The following TRPM1 variants were observed in gnomAD, a reference collection of about 807,000 sequenced individuals.
TRPM1 encodes the protein transient receptor potential cation channel subfamily M member 1.
Under a neutral mutation model 149.4 loss-of-function variants are expected in TRPM1, and 113 were observed. The observed-to-expected ratio is 0.76, with a 90% CI of 0.65 to 0.88. The LOEUF is 0.88. Ranked by LOEUF, TRPM1 falls within the 40% of genes least tolerant of loss-of-function variation. TRPM1 has a pLI of 0.00. For missense variants in TRPM1, 1,976 were observed against 2,038.7 expected (o/e 0.97, Z 0.59); for synonymous variants, 741 against 759.5 (o/e 0.98, Z 0.40).
chr15:31,022,200 A>G (rs2140892718), intron 27 of TRPM1, among the ~76,000 whole-genome samples: 1 of 152,348 alleles, frequency 6.6e-6, no homozygotes, highest in African/African-American at 2.4e-5. Context: ...CACAAAGAGA[A>G]CAGTGTGCTC....
At chr15:31,113,211 A>G (rs1238579957) in intron 1 of TRPM1, among the ~76,000 whole-genome samples, 1 of 152,150 alleles carries the variant, frequency 6.6e-6, no homozygotes, top group Non-Finnish European at 1.5e-5. Context: ...GGTAACTCAC[A>G]GGAGTGAATC....
chr15:31,026,810 G>A (rs1363107170), intron 26 of TRPM1, 105 bp downstream of exon 26: 4 of 1,207,400 alleles, frequency 3.3e-6, no homozygotes, highest in Non-Finnish European at 4.8e-6. Flanking sequence ...TGAGTGTGGT[G>A]CTTTTCACAC....
intron 1 of TRPM1, among the ~76,000 whole-genome samples, chr15:31,088,802 T>TGGG (rs57567619): frequency 1.6e-4 from 24 of 150,318 alleles, no homozygotes; most frequent in African/African-American, 4.6e-4. Context: ...TTCTTTCTGC[T>TGGG]GGGGGGATGC....
At position 31,001,759 on chromosome 15, in the gene TRPM1, G is replaced by T; in HGVS notation, c.*63C>A. The T allele has an allele frequency of 6.5e-7, 1 of 1,541,772 alleles. No individual in the cohort carries two copies. The highest frequency in any genetic ancestry group is 8.7e-7 in the Non-Finnish European group (1 of 1,143,406). ...TTTAGAAATTGATGATGTTTAGATGGCCAAGATGACACCCATTAGTGGTTC... is the reference window on the plus strand; with the variant it reads ...TTTAGAAATTGATGATGTTTAGATGTCCAAGATGACACCCATTAGTGGTTC... On this transcript the variant is annotated 3_prime_UTR_variant, in exon 28 of 28. Coordinates refer to ENST00000256552, the MANE Select transcript of TRPM1 (RefSeq NM_001252024.2).
intron 6 of TRPM1, 24 bp downstream of exon 6, chr15:31,067,039 A>G (rs1182059638): frequency 6.2e-7 from 1 of 1,614,176 alleles, no homozygotes; most frequent in Admixed American, 1.7e-5. Context: ...AAAAACTGCC[A>G]ACATTTGCAG....
chr15:31,072,008 TATATATATATAGAGAGAGAGAG>T (rs1387900841), intron 3 of TRPM1, among the ~76,000 whole-genome samples: 25 of 34,770 alleles, frequency 7.2e-4, no homozygotes, highest in Middle Eastern at 0.018. Context: ...TATATATATA[TATATATATATAGAGAGAGAGAG>T]AGAGAGAGAG....
upstream of TRPM1, among the ~76,000 whole-genome samples, chr15:31,106,013 T>C (rs1016132327): frequency 6.6e-6 from 1 of 152,382 alleles, no homozygotes; most frequent in South Asian, 2.1e-4. Context: ...GTCTGTTTTA[T>C]AATTAAGTGA....
intron 1 of TRPM1, among the ~76,000 whole-genome samples, chr15:31,091,450 G>T (rs1329766319): frequency 6.6e-6 from 1 of 152,240 alleles, no homozygotes. Flanking sequence ...AGCACCACCT[G>T]TTTAGCAGGT....
In TRPM1 at chr15:31,050,474, T is replaced by C; in HGVS notation, c.1372A>G (p.Lys458Glu). The C allele has an allele frequency of 6.2e-7, 1 of 1,614,090 alleles. No individual in the cohort carries two copies. The highest frequency in any genetic ancestry group is 8.5e-7 in the Non-Finnish European group (1 of 1,180,000). The change falls in exon 12 of 28, where the codon AAA becomes GAA. Residue 458 changes from lysine (K) to glutamate (E), a missense_variant. By Grantham distance (56) the Lys-to-Glu change is moderately conservative. Coordinates refer to ENST00000256552, the MANE Select transcript of TRPM1 (RefSeq NM_001252024.2). The part of the protein sequence containing the change: ...GGRGKGKGKK[K>E]GKVKEEVEEE... ...TCCACTTCCTCTTTCACTTTCCCTT[T>C]CTTCTTGCCTTTCCCTTTTCCTCTT...
chr15:31,109,421 G>A (rs973881510), intron 1 of TRPM1, among the ~76,000 whole-genome samples: 3 of 151,282 alleles, frequency 2.0e-5, no homozygotes, highest in Non-Finnish European at 4.4e-5. Flanking sequence ...AAGAGGCCAG[G>A]TGCAGTGGCT....
At chr15:31,081,224 A>T (rs2034848673) in intron 2 of TRPM1, 129 bp downstream of exon 2, 1 of 727,080 alleles carries the variant, frequency 1.4e-6, no homozygotes, top group Non-Finnish European at 2.4e-6. Flanking sequence ...GGCCCGAGCC[A>T]GGCTCAATCC....
chr15:31,008,058 T>G (rs1052480190), intron 27 of TRPM1, among the ~76,000 whole-genome samples: 18 of 152,384 alleles, frequency 1.2e-4, no homozygotes, highest in African/African-American at 3.4e-4. Context: ...ATTCACTTAT[T>G]AATTCTAGGA....
chr15:31,004,585 C>A (rs1005184364), intron 27 of TRPM1, among the ~76,000 whole-genome samples: 1 of 152,198 alleles, frequency 6.6e-6, no homozygotes, highest in East Asian at 1.9e-4. Context: ...GAAACCACAT[C>A]ATTTGAGCAG....
At chr15:31,011,520 G>C (rs2032181055) in intron 27 of TRPM1, among the ~76,000 whole-genome samples, 1 of 151,964 alleles carries the variant, frequency 6.6e-6, no homozygotes, top group Non-Finnish European at 1.5e-5. Context: ...CCTCTTGAGT[G>C]GCTGGGACTA....
intron 1 of TRPM1, among the ~76,000 whole-genome samples, chr15:31,155,713 G>C (rs1346201605): frequency 4.0e-5 from 6 of 151,720 alleles, no homozygotes; most frequent in Middle Eastern, 6.8e-3. Context: ...GGGAGGGGGA[G>C]AGAGAGAGAG....
intron 1 of TRPM1, among the ~76,000 whole-genome samples, chr15:31,085,844 A>T (rs963281550): frequency 6.6e-6 from 1 of 152,192 alleles, no homozygotes; most frequent in South Asian, 2.1e-4. Flanking sequence ...AGGCTTTTGA[A>T]TCTTTTGATA....
intron 1 of TRPM1, among the ~76,000 whole-genome samples, chr15:31,135,712 G>A (rs2036079097): frequency 1.3e-5 from 2 of 152,048 alleles, no homozygotes; most frequent in Admixed American, 1.3e-4. Flanking sequence ...CTCTCACTCT[G>A]TTGGTTTCTA....
chr15:31,049,564 G>A, intron 12 of TRPM1, 55 bp from the exon 13 acceptor site: 1 of 1,605,646 alleles, frequency 6.2e-7, no homozygotes, highest in Admixed American at 1.7e-5. Flanking sequence ...ACACAGGGGA[G>A]GGGGGCGACT....
rs2033576710 is a variant in TRPM1, at chr15:31,040,403, A to G, written c.2088-57T>C. The G allele has an allele frequency of 4.9e-6, 7 of 1,441,774 alleles. No individual in the cohort carries two copies. Among genetic ancestry groups the G allele is most frequent in the Non-Finnish European group, 6.8e-6 (7 of 1,025,356 alleles). 89.3% of individuals were successfully genotyped at this position (1,441,774 alleles called of 1,614,324 possible). A position where few individuals can be genotyped will look rare whatever the true frequency, so the allele number is the denominator to read the frequency against. ...CCACAGTGGCCGCAAGCTGTTTCTT[A>G]GACAGGCATATCCACCAAGGACTTA... On this transcript the variant is annotated intron_variant, in intron 17 of 27. Coordinates refer to ENST00000256552, the MANE Select transcript of TRPM1 (RefSeq NM_001252024.2). The surrounding 1 kb of genome is among the most constrained non-coding windows in gnomAD (Gnocchi z 4.2).
Sources: gnomAD v4.1 joint callset for allele counts (sites outside exome capture counted in the v4.1 genomes callset) on GRCh38, gnomAD v4.1.1 for gene constraint, Gnocchi (gnomAD v3.1) non-coding constraint, MANE v1.5 for transcripts, NCBI Gene and HGNC (gene_info 2026-07-23, HGNC 2026-07-21) for gene names.